The following KANSL1L variants were observed in gnomAD, a reference collection of about 807,000 sequenced individuals.
KANSL1L encodes the protein KAT8 regulatory NSL complex subunit 1 like.
A neutral mutation model predicts 108.6 loss-of-function variants in KANSL1L; 25 were observed. The observed-to-expected ratio is 0.23, with a 90% CI of 0.17 to 0.32. KANSL1L has a LOEUF of 0.32. KANSL1L is among the 10% of genes least tolerant of loss of function. The pLI is 1.00. For synonymous variants in KANSL1L, 405 were observed against 395.1 expected (o/e 1.03, Z -0.30); for missense variants, 1,137 against 1,125.7 (o/e 1.01, Z -0.14).
intron 11 of KANSL1L, 100 bp downstream of exon 11, chr2:210,028,745 G>A (rs896800048): frequency 5.6e-5 from 49 of 881,940 alleles, no homozygotes; most frequent in Non-Finnish European, 7.9e-5. Flanking sequence ...AAGGAACTGG[G>A]AGAAGGATGC....
intron 5 of KANSL1L, among the ~76,000 whole-genome samples, chr2:210,077,167 T>C (rs1191444004): frequency 6.6e-6 from 1 of 152,146 alleles, no homozygotes; most frequent in Non-Finnish European, 1.5e-5. Flanking sequence ...AATATGGCAT[T>C]TGGTGACTAT....
At chr2:210,159,360 CAG>C (rs1304177899) in intron 1 of KANSL1L, among the ~76,000 whole-genome samples, 3 of 152,232 alleles carry the variant, frequency 2.0e-5, no homozygotes, top group Admixed American at 6.5e-5. Flanking sequence ...GTCACCTCAT[CAG>C]AGTCCTTCCC....
At chr2:210,114,888 T>G (rs989169137) in intron 3 of KANSL1L, among the ~76,000 whole-genome samples, 2 of 152,030 alleles carry the variant, frequency 1.3e-5, no homozygotes, top group Non-Finnish European at 2.9e-5. Context: ...AATAACTTTA[T>G]GAGGTTAAAT....
At chr2:210,109,431 T>A (rs968508127) in intron 3 of KANSL1L, among the ~76,000 whole-genome samples, 4 of 152,054 alleles carry the variant, frequency 2.6e-5, no homozygotes, top group Admixed American at 1.3e-4. Flanking sequence ...TATTAGATTA[T>A]CTCCAGGATG....
At chr2:210,087,061 C>G (rs1205167627) in intron 5 of KANSL1L, among the ~76,000 whole-genome samples, 2 of 150,204 alleles carry the variant, frequency 1.3e-5, no homozygotes, top group Non-Finnish European at 3.0e-5. Flanking sequence ...CAGGATCTTG[C>G]TCTGTCACCT....
chr2:210,068,185 T>A (rs2094481023), intron 6 of KANSL1L, among the ~76,000 whole-genome samples: 1 of 152,220 alleles, frequency 6.6e-6, no homozygotes, highest in Non-Finnish European at 1.5e-5. Context: ...TGCATATTTT[T>A]TATTTAAAAA....
At chr2:210,138,322 G>C (rs1300330222) in intron 2 of KANSL1L, among the ~76,000 whole-genome samples, 3 of 152,034 alleles carry the variant, frequency 2.0e-5, no homozygotes, top group African/African-American at 7.2e-5. Context: ...ATGGAGGGGA[G>C]AGGAAGGGGG....
chr2:210,044,074 T>A lies in KANSL1L; in HGVS notation c.1786A>T (p.Asn596Tyr). ...TGCAGGCAAGGCATTTGTGTAGTGT[T>A]TAAAAATGCTGTTTCTTTTGAAGGC... ...TLPSKETAFLNTTQMPCLQSA... is the reference protein window; with the variant it reads ...TLPSKETAFLYTTQMPCLQSA... Residue 596 changes from asparagine to tyrosine, a missense_variant, in exon 7 of 15, where the codon AAC becomes TAC. Transcript: ENST00000281772. The surrounding 1 kb of genome is among the most constrained non-coding windows in gnomAD (Gnocchi z 4.2). 1 of 1,592,334 alleles carries A rather than the reference T, an allele frequency of 6.3e-7. No individual in the cohort carries two copies. Among genetic ancestry groups the A allele is most frequent in the Non-Finnish European group, 8.5e-7 (1 of 1,170,438 alleles).
chr2:210,156,558 T>C (rs1241180538), intron 1 of KANSL1L, among the ~76,000 whole-genome samples: 1 of 152,012 alleles, frequency 6.6e-6, no homozygotes, highest in East Asian at 1.9e-4. Flanking sequence ...AAGAACACTG[T>C]AAAATATATA....
intron 3 of KANSL1L, among the ~76,000 whole-genome samples, chr2:210,124,514 TTA>T (rs2095048367): frequency 6.6e-6 from 1 of 151,362 alleles, no homozygotes; most frequent in Non-Finnish European, 1.5e-5. Flanking sequence ...AGGGGGGAGT[TTA>T]TAGTTATAAA....
At chr2:210,170,758 T>C (rs977493347) in intron 1 of KANSL1L, 4 of 152,234 alleles carry the variant, frequency 2.6e-5, no homozygotes, top group African/African-American at 9.7e-5. Flanking sequence ...GCTCAGCCGA[T>C]GAGGCAAGAG....
At chr2:210,128,178 T>C (rs137865840) in intron 3 of KANSL1L, among the ~76,000 whole-genome samples, 173 of 152,284 alleles carry the variant, frequency 1.1e-3, no homozygotes, top group African/African-American at 3.8e-3. Flanking sequence ...TTAACTGGTA[T>C]AGCCACTGTG....
intron 2 of KANSL1L, chr2:210,153,160 C>A (rs1411026553): frequency 3.4e-5 from 6 of 177,180 alleles, no homozygotes; most frequent in African/African-American, 1.4e-4. Context: ...TCGAGACCAG[C>A]CTGACCAACA....
intron 3 of KANSL1L, among the ~76,000 whole-genome samples, chr2:210,110,167 G>C (rs962618646): frequency 6.6e-6 from 1 of 152,000 alleles, no homozygotes; most frequent in African/African-American, 2.4e-5. Flanking sequence ...CCTTTCTCCC[G>C]TTCCTCTTTC....
intron 1 of KANSL1L, among the ~76,000 whole-genome samples, chr2:210,169,308 C>A (rs906774410): frequency 6.6e-6 from 1 of 152,020 alleles, no homozygotes; most frequent in African/African-American, 2.4e-5. Flanking sequence ...TACGTGCCAA[C>A]AGAAAAAATT....
chr2:210,052,434 C>G (rs186268980), intron 6 of KANSL1L, among the ~76,000 whole-genome samples: 7 of 152,262 alleles, frequency 4.6e-5, no homozygotes, highest in Admixed American at 4.6e-4. Context: ...CAGCTATATT[C>G]TCCTTCTTGC....
In KANSL1L at chr2:210,042,032, G is replaced by T. The variant is rs1428639636; in HGVS notation, c.1922-1505C>A. Among the ~76,000 whole-genome samples the T allele has an allele frequency of 4.6e-5, 7 of 152,218 alleles. No homozygotes were observed. The East Asian group carries it at 9.6e-4, about 21-fold the overall frequency. ...TTTCCAATTACCTGAACATAAATTT[G>T]TTGCATTTGTTTCTCCAAAGCAATA... On this transcript the variant is annotated intron_variant, in intron 7 of 14. Coordinates refer to ENST00000281772, the MANE Select transcript of KANSL1L (RefSeq NM_152519.4).
chr2:210,069,833 T>C (rs1362392777), intron 6 of KANSL1L, among the ~76,000 whole-genome samples: 1 of 48,378 alleles, frequency 2.1e-5, no homozygotes, highest in African/African-American at 1.1e-4. Context: ...TTTTTTTTTT[T>C]TTTTTTTTTT....
chr2:210,120,731 T>G (rs2095009126), intron 3 of KANSL1L, among the ~76,000 whole-genome samples: 1 of 151,936 alleles, frequency 6.6e-6, no homozygotes, highest in Non-Finnish European at 1.5e-5. Flanking sequence ...GGGAGAAAAT[T>G]TTTGCAAACT....
Sources: allele counts gnomAD v4.1 joint callset (sites outside exome capture counted in the v4.1 genomes callset), GRCh38; gene constraint gnomAD v4.1.1; non-coding constraint Gnocchi (gnomAD v3.1); transcripts MANE v1.5; gene names NCBI Gene and HGNC (gene_info 2026-07-23, HGNC 2026-07-21).